The following USP39 variants were observed in gnomAD, a reference collection of about 807,000 sequenced individuals.
USP39 encodes the protein ubiquitin carboxyl-terminal hydrolase 39.
USP39 carries 38 observed loss-of-function variants against 66.4 expected under a neutral mutation model. The observed-to-expected ratio is 0.57, with a 90% CI of 0.44 to 0.75. The LOEUF is 0.75. Ranked by LOEUF, USP39 falls within the 30% of genes least tolerant of loss-of-function variation. The pLI, the probability that USP39 is intolerant of heterozygous loss-of-function variation, is 0.00. For synonymous variants in USP39, 303 were observed against 274.6 expected, an observed-to-expected ratio of 1.10 and a Z score of -1.02; for missense variants, 608 against 714.4, an observed-to-expected ratio of 0.85 and a Z score of 1.70.
At chr2:85,621,650 AGCTGT>A in intron 3 of USP39, 71 bp downstream of exon 3, 1 of 1,164,196 alleles carries the variant, frequency 8.6e-7, no homozygotes, top group African/African-American at 1.6e-5. Context: ...AAAGAAAGTA[AGCTGT>A]TCTCAGGAAT....
intron 6 of USP39, among the ~76,000 whole-genome samples, chr2:85,635,061 A>G (rs1055050040): frequency 3.3e-5 from 5 of 152,172 alleles, no homozygotes; most frequent in African/African-American, 1.2e-4. Flanking sequence ...GAGTGTTTAG[A>G]TGTGTGAAGT....
chr2:85,647,982 C>T lies in USP39; in HGVS notation c.1616C>T (p.Pro539Leu), dbSNP rs1573457302. 2 of 1,614,122 alleles carry T rather than the reference C, an allele frequency of 1.2e-6. No homozygotes were observed. Among genetic ancestry groups the T allele is most frequent in the Non-Finnish European group, 1.7e-6 (2 of 1,180,016 alleles). The change falls in exon 12 of 13, where the codon CCC becomes CTC. Residue 539 changes from proline to leucine, a missense_variant. Around this residue, in one of 6 missense-constraint regions of USP39, gnomAD observed 164 missense variants for 250.3 expected, o/e 0.66. Coordinates refer to ENST00000323701, the MANE Select transcript of USP39 (RefSeq NM_006590.4). ...GACCTCCAGGTGACTGACATCCTTC[C>T]CCAGATGATCACACTGTCAGAGGCT... ...LQDLQVTDIL[P>L]QMITLSEAYI...
Position 85,629,719 on chromosome 2 carries a change from A to G in USP39, c.724-1002A>G, listed in dbSNP as rs1459564544. 6.8e-5 allele frequency among the ~76,000 whole-genome samples: 10 copies of G among 147,758 alleles called. No individual in the cohort carries two copies. In the South Asian group the frequency reaches 1.3e-3, roughly 19 times the overall value. The stretch of plus-strand genomic sequence containing the variant: ...ACCATGTTGGCCAGGCTGGTCTTGA[A>G]CTCCTGACCTCAGGTGATCCTCCCA... On this transcript the variant is annotated intron_variant, in intron 5 of 12. Coordinates refer to ENST00000323701, the MANE Select transcript of USP39 (RefSeq NM_006590.4).
chr2:85,607,203 C>T (rs779926547), upstream of USP39: 5 of 152,154 alleles, frequency 3.3e-5, no homozygotes, highest in African/African-American at 1.2e-4. Context: ...AAAAGCCAGA[C>T]TTGCAGTGAA....
upstream of USP39, among the ~76,000 whole-genome samples, chr2:85,614,086 T>G (rs1558843335): frequency 6.6e-6 from 1 of 152,042 alleles, no homozygotes; most frequent in African/African-American, 2.4e-5. Context: ...CGTCTCTTGA[T>G]TGTGGTGATG....
chr2:85,612,027 A>G (rs753911648), upstream of USP39: 7 of 1,367,588 alleles, frequency 5.1e-6, no homozygotes, highest in Non-Finnish European at 5.8e-6. Context: ...CGACGGCCCC[A>G]ACAACAGCCA....
At chr2:85,616,067 C>T (rs978833959), upstream of USP39, 10 of 1,293,684 alleles carry the variant, frequency 7.7e-6, no homozygotes, top group Non-Finnish European at 9.8e-6. Context: ...TTTTCTGCAG[C>T]GTGATTTGTC....
At chr2:85,615,953 G>A (rs1673890250), upstream of USP39, 13 of 733,412 alleles carry the variant, frequency 1.8e-5, no homozygotes, top group Non-Finnish European at 2.2e-5. Flanking sequence ...CCAGAAAACT[G>A]TCGCCAGTAA....
At chr2:85,625,450 G>A in intron 4 of USP39, 89 bp from the exon 5 acceptor site, 1 of 1,558,400 alleles carries the variant, frequency 6.4e-7, no homozygotes, top group South Asian at 1.1e-5. Context: ...TCATGGCCAA[G>A]TGTTTTTTGT....
chr2:85,613,829 T>C (rs182457474), upstream of USP39, among the ~76,000 whole-genome samples: 17 of 152,160 alleles, frequency 1.1e-4, no homozygotes, highest in East Asian at 3.3e-3. Flanking sequence ...ATAGGTTGGA[T>C]TGTAGTGGTG....
At chr2:85,607,901 G>A (rs1414198933), upstream of USP39, 1 of 152,146 alleles carries the variant, frequency 6.6e-6, no homozygotes, top group Non-Finnish European at 1.5e-5. Context: ...GTATTCCTGG[G>A]GATCTTTATG....
intron 2 of USP39, among the ~76,000 whole-genome samples, chr2:85,619,540 A>T (rs1432726049): frequency 6.7e-6 from 1 of 149,974 alleles, no homozygotes; most frequent in Non-Finnish European, 1.5e-5. Context: ...ACAGTAGCAC[A>T]TTGAAATGTT....
intron 4 of USP39, among the ~76,000 whole-genome samples, chr2:85,624,962 TAAA>T (rs11370666): frequency 7.3e-6 from 1 of 137,406 alleles, no homozygotes; most frequent in African/African-American, 2.6e-5. Flanking sequence ...AAACTCCATC[TAAA>T]AAAAAAAAAA....
At chr2:85,610,037 C>T (rs191081952), upstream of USP39, among the ~76,000 whole-genome samples, 63 of 127,700 alleles carry the variant, frequency 4.9e-4, no homozygotes, top group Middle Eastern at 4.5e-3. Context: ...TTTTTTGAGA[C>T]GGAGTCTTGC....
upstream of USP39, among the ~76,000 whole-genome samples, chr2:85,614,173 A>G (rs760340450): frequency 2.0e-5 from 3 of 152,146 alleles, no homozygotes; most frequent in Non-Finnish European, 4.4e-5. Context: ...CTTGTGCAAG[A>G]AAGAATTCAG....
At chr2:85,643,347 A>G (rs1676394425) in intron 10 of USP39, among the ~76,000 whole-genome samples, 1 of 151,908 alleles carries the variant, frequency 6.6e-6, no homozygotes, top group Non-Finnish European at 1.5e-5. Context: ...AAAATTAGCC[A>G]GGCATGGTGG....
rs1676051754 is a variant in USP39, at chr2:85,639,385, T to C, written c.1278T>C (p.Thr426=). 6.2e-7 allele frequency: 1 copy of C among 1,613,320 alleles called. No homozygotes were observed. Residue 426 remains threonine, a synonymous_variant, in exon 9 of 13, where the codon ACT becomes ACC. Transcript: ENST00000323701. ...FNILAKFNGI[T]EKEYKTYKEN... ...TCCTGGCTAAGTTCAATGGCATCAC[T>C]GAGAAGGTAGCCCATTAACACACCT... is the stretch of plus-strand genomic sequence containing the variant.
upstream of USP39, chr2:85,609,726 G>C: frequency 8.7e-7 from 1 of 1,148,052 alleles, no homozygotes; most frequent in Non-Finnish European, 1.2e-6. Flanking sequence ...CTGTCGCCCA[G>C]GCTGGAGTGC....
Position 85,625,561 on chromosome 2 carries a change from C to T in USP39, c.593C>T (p.Thr198Ile), listed in dbSNP as rs1281736605. ...DITYVLKPTF[T>I]KQQIANLDKQ... Reference sequence around the variant, plus strand: ...CAGTATGTGTTGAAGCCCACTTTCACAAAGCAGCAAATTGCAAACTTGGAC... The same window carrying T: ...CAGTATGTGTTGAAGCCCACTTTCATAAAGCAGCAAATTGCAAACTTGGAC... Residue 198 changes from threonine (T) to isoleucine (I), a missense_variant, in exon 5 of 13, where the codon ACA (threonine) becomes ATA (isoleucine). Transcript: ENST00000323701. 8.1e-6 allele frequency: 13 copies of T among 1,613,942 alleles called. No homozygotes were observed. The highest frequency in any genetic ancestry group is 1.1e-5 in the Non-Finnish European group (13 of 1,179,936).
Sources: allele counts gnomAD v4.1 joint callset (sites outside exome capture counted in the v4.1 genomes callset), GRCh38; gene constraint gnomAD v4.1.1; regional missense constraint gnomAD v4.1.1; transcripts MANE v1.5; gene names NCBI Gene and HGNC (gene_info 2026-07-23, HGNC 2026-07-21).